Variants in PDE3B observed in about 807,000 individuals in gnomAD.
PDE3B encodes cGMP-inhibited 3',5'-cyclic phosphodiesterase 3B.
Under a neutral mutation model 116.8 loss-of-function variants are expected in PDE3B, and 66 were observed. The ratio of observed to expected loss-of-function variants is 0.56; its 90% CI spans 0.46 to 0.69. PDE3B has a LOEUF of 0.69. PDE3B is among the 30% of genes least tolerant of loss of function. The pLI is 0.00. For missense variants in PDE3B, 1,384 were observed against 1,368.1 expected, an observed-to-expected ratio of 1.01 and a Z score of -0.18; for synonymous variants, 595 against 533.6, an observed-to-expected ratio of 1.12 and a Z score of -1.59.
intron 1 of PDE3B, among the ~76,000 whole-genome samples, chr11:14,669,473 T>A (rs1270144865): frequency 1.3e-5 from 2 of 152,156 alleles, no homozygotes; most frequent in Non-Finnish European, 2.9e-5. Context: ...TACCTTTTTT[T>A]AAATTATACT....
At chr11:14,874,052 G>A (rs1294933524), downstream of PDE3B, among the ~76,000 whole-genome samples, 3 of 152,070 alleles carry the variant, frequency 2.0e-5, no homozygotes, top group Non-Finnish European at 2.9e-5. Context: ...TGCATGTCTT[G>A]TAATTTATGC....
chr11:14,758,731 A>C (rs1175730201), intron 1 of PDE3B, among the ~76,000 whole-genome samples: 1 of 151,492 alleles, frequency 6.6e-6, no homozygotes, highest in Non-Finnish European at 1.5e-5. Flanking sequence ...TTCTAGATAT[A>C]CAATCATGTC....
chr11:14,736,436 A>C (rs940993170), intron 1 of PDE3B, among the ~76,000 whole-genome samples: 4 of 152,084 alleles, frequency 2.6e-5, no homozygotes, highest in African/African-American at 9.7e-5. Flanking sequence ...TTTGGTACAT[A>C]TTTTCTTTCA....
At chr11:14,772,101 TA>T in intron 2 of PDE3B, 114 bp downstream of exon 2, 1 of 538,660 alleles carries the variant, frequency 1.9e-6, no homozygotes, top group Non-Finnish European at 3.3e-6. Context: ...TTCTGTGCCA[TA>T]AGATTTTCTT....
chr11:14,884,338 A>G, the PDE3B span, among the ~76,000 whole-genome samples: 1 of 152,022 alleles, frequency 6.6e-6, no homozygotes, highest in Non-Finnish European at 1.5e-5. Flanking sequence ...ACACCATGGA[A>G]TACTATGCAG....
intron 1 of PDE3B, among the ~76,000 whole-genome samples, chr11:14,664,143 G>C (rs192688071): frequency 2.6e-5 from 4 of 152,264 alleles, no homozygotes; most frequent in Non-Finnish European, 5.9e-5. Context: ...TATGGAAACT[G>C]AACAACCTGC....
At position 14,665,370 on chromosome 11, in the gene PDE3B, C is replaced by T. The variant is rs555236960; in HGVS notation, c.978+20317C>T. ...TGAAAACTGGCACAAGACAGGGATG[C>T]TGTCTCTCACCACTCCTATTCCACA... On this transcript the variant is annotated intron_variant, in intron 1 of 15. Coordinates refer to ENST00000282096, the MANE Select transcript of PDE3B (RefSeq NM_000922.4). Among the ~76,000 whole-genome samples, 6 of 152,294 alleles carry T rather than the reference C, an allele frequency of 3.9e-5. No homozygotes were observed. The South Asian group carries it at 1.2e-3, about 32-fold the overall frequency.
At chr11:14,886,260 C>A in the PDE3B span, 5 of 218,480 alleles carry the variant, frequency 2.3e-5, no homozygotes, top group Admixed American at 5.2e-5. Flanking sequence ...TTCAGTATTG[C>A]CATAGAAAAT....
At chr11:14,740,945 A>G (rs1193618543) in intron 1 of PDE3B, among the ~76,000 whole-genome samples, 1 of 152,168 alleles carries the variant, frequency 6.6e-6, no homozygotes, top group Non-Finnish European at 1.5e-5. Flanking sequence ...TTCTAATTTG[A>G]TTGCACTGTG....
At chr11:14,755,048 A>G (rs1234015174) in intron 1 of PDE3B, among the ~76,000 whole-genome samples, 2 of 152,238 alleles carry the variant, frequency 1.3e-5, no homozygotes, top group Non-Finnish European at 2.9e-5. Flanking sequence ...TGACTTTGGA[A>G]GTTAACTTTT....
intron 1 of PDE3B, among the ~76,000 whole-genome samples, chr11:14,715,710 CTATT>C (rs1202634153): frequency 6.6e-6 from 1 of 152,186 alleles, no homozygotes; most frequent in Non-Finnish European, 1.5e-5. Flanking sequence ...CAAACAGAGA[CTATT>C]TGACTTCCTC....
chr11:14,784,383 TA>T (rs1294577976), intron 2 of PDE3B, among the ~76,000 whole-genome samples: 2 of 152,184 alleles, frequency 1.3e-5, no homozygotes, highest in African/African-American at 2.4e-5. Flanking sequence ...ACAAGACAAT[TA>T]TACTTAAAAG....
intron 4 of PDE3B, among the ~76,000 whole-genome samples, chr11:14,800,345 A>G: frequency 6.6e-6 from 1 of 152,150 alleles, no homozygotes; most frequent in Non-Finnish European, 1.5e-5. Context: ...CGCGCCTGTA[A>G]TCGCAACTAC....
At chr11:14,875,607 T>G (rs1306290738), downstream of PDE3B, among the ~76,000 whole-genome samples, 1 of 152,228 alleles carries the variant, frequency 6.6e-6, no homozygotes, top group African/African-American at 2.4e-5. Flanking sequence ...TAATTTATAT[T>G]TTTCCAAAAG....
intron 1 of PDE3B, among the ~76,000 whole-genome samples, chr11:14,729,471 A>G (rs565137861): frequency 6.6e-6 from 1 of 152,320 alleles, no homozygotes; most frequent in South Asian, 2.1e-4. Context: ...TTTTGTGAAA[A>G]TAAGTCATAT....
chr11:14,820,345 A>T (rs2133951823), intron 7 of PDE3B, among the ~76,000 whole-genome samples: 1 of 152,214 alleles, frequency 6.6e-6, no homozygotes, highest in East Asian at 1.9e-4. Context: ...TCTAAGTGAA[A>T]GAAGCCAGGC....
At chr11:14,783,357 C>T (rs566890803) in intron 2 of PDE3B, among the ~76,000 whole-genome samples, 4 of 152,184 alleles carry the variant, frequency 2.6e-5, no homozygotes, top group African/African-American at 4.8e-5. Flanking sequence ...TTGGAACCAA[C>T]CCAGATGTCC....
At chr11:14,850,987 T>G (rs1431461888) in intron 12 of PDE3B, among the ~76,000 whole-genome samples, 3 of 149,804 alleles carry the variant, frequency 2.0e-5, no homozygotes, top group African/African-American at 7.3e-5. Flanking sequence ...AGCTATTTTT[T>G]TTTTTTTTTT....
At chr11:14,675,717 C>A (rs2133787340) in intron 1 of PDE3B, among the ~76,000 whole-genome samples, 1 of 152,036 alleles carries the variant, frequency 6.6e-6, no homozygotes, top group South Asian at 2.1e-4. Context: ...TGAATATGTT[C>A]CCTGAATGAA....
Sources: gnomAD v4.1 joint callset for allele counts (sites outside exome capture counted in the v4.1 genomes callset) on GRCh38, gnomAD v4.1.1 for gene constraint, MANE v1.5 for transcripts, NCBI Gene and HGNC (gene_info 2026-07-23, HGNC 2026-07-21) for gene names.